Variants in CACNA1C observed in about 807,000 individuals in gnomAD.
CACNA1C encodes the protein calcium voltage-gated channel subunit alpha1 C.
In CACNA1C, 30 loss-of-function variants were observed where a neutral mutation model predicts 229.0. The observed-to-expected ratio is 0.13, with a 90% CI of 0.10 to 0.18. CACNA1C has a LOEUF of 0.18. CACNA1C is among the 10% of genes least tolerant of loss of function. CACNA1C has a pLI of 1.00. For missense variants in CACNA1C, 1,658 were observed against 2,845.0 expected (o/e 0.58, Z 9.49); for synonymous variants, 1,114 against 1,132.5 (o/e 0.98, Z 0.33).
chr12:2,349,030 C>T (rs766419061), intron 3 of CACNA1C, among the ~76,000 whole-genome samples: 9 of 152,096 alleles, frequency 5.9e-5, no homozygotes, highest in Non-Finnish European at 1.0e-4. Context: ...AATTGAAGGA[C>T]GGTGGTGCCA....
chr12:2,536,476 C>A (rs1482198379), intron 9 of CACNA1C, among the ~76,000 whole-genome samples: 2 of 152,128 alleles, frequency 1.3e-5, no homozygotes, highest in Non-Finnish European at 2.9e-5. Context: ...CCACTATCTG[C>A]CTCTGCGACT....
intron 3 of CACNA1C, among the ~76,000 whole-genome samples, chr12:2,359,504 T>C (rs1192065324): frequency 1.3e-5 from 2 of 152,146 alleles, no homozygotes; most frequent in Non-Finnish European, 2.9e-5. Flanking sequence ...AAATTAATCT[T>C]GTCAAAATAG....
chr12:2,454,576 A>G (rs2099404954), intron 4 of CACNA1C, among the ~76,000 whole-genome samples: 1 of 152,154 alleles, frequency 6.6e-6, no homozygotes, highest in African/African-American at 2.4e-5. Context: ...ACACCTGGAA[A>G]AACACCAACC....
At chr12:1,992,403 A>C (rs1467638835) in intron 1 of CACNA1C, 1 of 153,114 alleles carries the variant, frequency 6.5e-6, no homozygotes, top group Non-Finnish European at 1.5e-5. Flanking sequence ...ATGGTAGGCA[A>C]ATTCATGTAT....
chr12:2,235,604 T>C (rs112929073), intron 3 of CACNA1C, among the ~76,000 whole-genome samples: 5 of 152,330 alleles, frequency 3.3e-5, no homozygotes, highest in African/African-American at 1.2e-4. Flanking sequence ...ACGTAGACCA[T>C]CTCTGGGTGA....
intron 3 of CACNA1C, among the ~76,000 whole-genome samples, chr12:2,376,571 T>C (rs1360407190): frequency 6.6e-6 from 1 of 152,188 alleles, no homozygotes; most frequent in South Asian, 2.1e-4. Flanking sequence ...TGGGAGCTGC[T>C]GGCGGCAAAC....
At chr12:2,146,161 T>A (rs12304852) in intron 3 of CACNA1C, among the ~76,000 whole-genome samples, 1,624 of 151,272 alleles carry the variant, frequency 0.011, 52 homozygotes, top group African/African-American at 0.037. Flanking sequence ...CACGTTTAGA[T>A]TGGGGCAAGG....
chr12:2,376,528 A>T (rs527827587), intron 3 of CACNA1C, among the ~76,000 whole-genome samples: 18 of 152,298 alleles, frequency 1.2e-4, no homozygotes, highest in African/African-American at 4.3e-4. Flanking sequence ...GCTTAGGCGG[A>T]CAGGTGGACG....
chr12:2,389,254 G>A (rs1567398847), intron 3 of CACNA1C, among the ~76,000 whole-genome samples: 2 of 152,052 alleles, frequency 1.3e-5, no homozygotes, highest in South Asian at 4.1e-4. Context: ...TTTGGATTCC[G>A]AGATGTGTTG....
intron 3 of CACNA1C, among the ~76,000 whole-genome samples, chr12:2,326,254 T>A (rs185071796): frequency 2.0e-5 from 3 of 152,310 alleles, no homozygotes; most frequent in Non-Finnish European, 4.4e-5. Flanking sequence ...AAGCTGCCCT[T>A]CATTCAGAGG....
At chr12:2,265,514 C>T (rs2082044487) in intron 3 of CACNA1C, among the ~76,000 whole-genome samples, 1 of 152,220 alleles carries the variant, frequency 6.6e-6, no homozygotes, top group Admixed American at 6.5e-5. Flanking sequence ...TACCCTATCT[C>T]ATTCTCCTCC....
chr12:2,229,757 A>AAC (rs1474859841), intron 3 of CACNA1C, among the ~76,000 whole-genome samples: 1 of 152,220 alleles, frequency 6.6e-6, no homozygotes, highest in Non-Finnish European at 1.5e-5. Context: ...CTGACAGACG[A>AAC]ACGGCCTGGC....
intron 3 of CACNA1C, among the ~76,000 whole-genome samples, chr12:2,311,498 C>G (rs1281590585): frequency 2.6e-5 from 4 of 152,162 alleles, no homozygotes; most frequent in Non-Finnish European, 4.4e-5. Flanking sequence ...AAACGGGAAC[C>G]AAGCTGACCC....
chr12:2,092,798 A>G (rs1323421407), intron 1 of CACNA1C, among the ~76,000 whole-genome samples: 1 of 152,234 alleles, frequency 6.6e-6, no homozygotes, highest in Non-Finnish European at 1.5e-5. Context: ...AGGTTAAGTT[A>G]ACTTAGCAAA....
intron 3 of CACNA1C, among the ~76,000 whole-genome samples, chr12:2,221,969 G>T (rs1029671225): frequency 6.6e-6 from 1 of 152,090 alleles, no homozygotes; most frequent in African/African-American, 2.4e-5. Flanking sequence ...AATTTTATAA[G>T]ATATATAACC....
chr12:2,084,446 C>G (rs1423045701), intron 1 of CACNA1C, among the ~76,000 whole-genome samples: 2 of 152,210 alleles, frequency 1.3e-5, no homozygotes, highest in African/African-American at 2.4e-5. Context: ...TTATAGCCCT[C>G]CAGATTTTTG....
Position 2,697,458 on chromosome 12 carries a change from T to C in CACNA1C, c.*6259T>C, listed in dbSNP as rs954761507. On this transcript the variant is annotated 3_prime_UTR_variant, in exon 47 of 47. Transcript: ENST00000399655. The stretch of plus-strand genomic sequence containing the variant: ...CTGTTTTATTTTAATCCACCAGAGC[T>C]ACCATGCAAAACTTTCCTCCTGTGA... The C allele has an allele frequency of 6.6e-6, 1 of 152,196 alleles. No homozygotes were observed. Among genetic ancestry groups the C allele is most frequent in the Non-Finnish European group, 1.5e-5 (1 of 68,036 alleles). The allele number at this position is 152,196 out of a possible 1,614,324, so 9.4% of individuals were successfully genotyped here.
intron 37 of CACNA1C, among the ~76,000 whole-genome samples, chr12:2,667,793 CAGG>C (rs950999664): frequency 3.3e-5 from 5 of 152,268 alleles, no homozygotes; most frequent in African/African-American, 7.2e-5. Context: ...TCTGGTCACT[CAGG>C]AGAAGTGTAA....
chr12:2,045,235 A>G (rs187950974), intron 1 of CACNA1C, among the ~76,000 whole-genome samples: 239 of 152,314 alleles, frequency 1.6e-3, no homozygotes, highest in African/African-American at 5.6e-3. Context: ...GAGAAGAGAG[A>G]ACATTTATAA....
Sources: gnomAD v4.1 joint callset for allele counts (sites outside exome capture counted in the v4.1 genomes callset) on GRCh38, gnomAD v4.1.1 for gene constraint, MANE v1.5 for transcripts, NCBI Gene and HGNC (gene_info 2026-07-23, HGNC 2026-07-21) for gene names.